Variants in VPS13B observed in about 807,000 individuals in gnomAD.
VPS13B encodes the protein vacuolar protein sorting 13 homolog B, also known as intermembrane lipid transfer protein VPS13B.
VPS13B carries 285 observed loss-of-function variants against 426.4 expected under a neutral mutation model. The ratio of observed to expected loss-of-function variants is 0.67; its 90% CI spans 0.61 to 0.74. The LOEUF (loss-of-function observed/expected upper bound fraction) is 0.74. Ranked by LOEUF, VPS13B falls within the 30% of genes least tolerant of loss-of-function variation. The pLI is 0.00. For synonymous variants in VPS13B, 1,676 were observed against 1,676.4 expected, an observed-to-expected ratio of 1.00 and a Z score of 0.01; for missense variants, 4,537 against 4,782.6, an observed-to-expected ratio of 0.95 and a Z score of 1.51.
chr8:99,170,475 G>C (rs1037842707), intron 16 of VPS13B, among the ~76,000 whole-genome samples: 56 of 150,634 alleles, frequency 3.7e-4, no homozygotes, highest in Middle Eastern at 3.4e-3. Context: ...TTCAAGAGTG[G>C]GTATAAAGAT....
At chr8:99,237,828 A>T (rs1372007903) in intron 17 of VPS13B, among the ~76,000 whole-genome samples, 2 of 151,982 alleles carry the variant, frequency 1.3e-5, no homozygotes, top group African/African-American at 4.8e-5. Flanking sequence ...TACAAAAAAA[A>T]GAAAGTGTTT....
rs142646194 is a variant in VPS13B at position 99,618,554 on chromosome 8, A to G, written c.5221-23257A>G. On this transcript the variant is annotated intron_variant, in intron 33 of 61. Coordinates refer to ENST00000357162, the MANE Select transcript of VPS13B (RefSeq NM_152564.5). ...TACAGCTTGAATAGAATTCATTACT[A>G]TATGATCTTTGATGGAAATGTTAGA... is the stretch of plus-strand genomic sequence containing the variant. 5.7e-4 allele frequency among the ~76,000 whole-genome samples: 87 copies of G among 152,336 alleles called. 3 individuals are homozygous for G. Among genetic ancestry groups the G allele is most frequent in the Admixed American group, 5.0e-3 (76 of 15,298 alleles).
intron 17 of VPS13B, among the ~76,000 whole-genome samples, 187 bp downstream of exon 17, chr8:99,193,244 G>A (rs558793553): frequency 2.0e-5 from 3 of 151,952 alleles, no homozygotes; most frequent in Admixed American, 1.3e-4. Flanking sequence ...TTATTTCCTC[G>A]TACCTATTTC....
intron 19 of VPS13B, among the ~76,000 whole-genome samples, chr8:99,349,887 T>G (rs910766088): frequency 1.3e-5 from 2 of 152,132 alleles, no homozygotes; most frequent in Non-Finnish European, 2.9e-5. Context: ...GTGGCAAAGA[T>G]ACAGTGGATG....
At chr8:99,716,776 C>T (rs1832941464) in intron 36 of VPS13B, among the ~76,000 whole-genome samples, 1 of 152,166 alleles carries the variant, frequency 6.6e-6, no homozygotes, top group Non-Finnish European at 1.5e-5. Context: ...GAGTAACATA[C>T]TGCACTCTGT....
intron 3 of VPS13B, among the ~76,000 whole-genome samples, chr8:99,092,689 A>T (rs1326720627): frequency 6.6e-6 from 1 of 152,074 alleles, no homozygotes; most frequent in African/African-American, 2.4e-5. Flanking sequence ...CATTGAAAGG[A>T]TTAATTTCTA....
intron 39 of VPS13B, among the ~76,000 whole-genome samples, chr8:99,733,514 G>A (rs2130423190): frequency 6.6e-6 from 1 of 152,216 alleles, no homozygotes; most frequent in East Asian, 1.9e-4. Flanking sequence ...CTAGCACATA[G>A]TGCTGAATAA....
intron 17 of VPS13B, among the ~76,000 whole-genome samples, chr8:99,227,424 A>G (rs1240731103): frequency 1.3e-5 from 2 of 152,168 alleles, no homozygotes; most frequent in East Asian, 1.9e-4. Flanking sequence ...TATTAATGCC[A>G]TAAGTGTAAA....
chr8:99,775,821 C>G (rs1208690325), intron 40 of VPS13B, among the ~76,000 whole-genome samples: 1 of 152,082 alleles, frequency 6.6e-6, no homozygotes, highest in Non-Finnish European at 1.5e-5. Flanking sequence ...TCACTTGAAC[C>G]TGGGAGGCAG....
At chr8:99,611,456 A>G (rs1827841571) in intron 33 of VPS13B, among the ~76,000 whole-genome samples, 2 of 152,098 alleles carry the variant, frequency 1.3e-5, no homozygotes, top group Non-Finnish European at 2.9e-5. Context: ...CTGCTTGCCA[A>G]GTACTACCTG....
intron 56 of VPS13B, among the ~76,000 whole-genome samples, chr8:99,856,578 C>A (rs1012945607): frequency 1.8e-4 from 28 of 152,232 alleles, no homozygotes; most frequent in Admixed American, 2.0e-4. Context: ...CAGTGGCTCA[C>A]GCCTGTAATC....
rs1422079821 is a variant in VPS13B at position 99,699,752 on chromosome 8, A to C, written c.6274A>C (p.Lys2092Gln). The C allele has an allele frequency of 1.9e-6, 3 of 1,613,980 alleles. No homozygotes were observed. Among genetic ancestry groups the C allele is most frequent in the Non-Finnish European group, 2.5e-6 (3 of 1,180,004 alleles). ...KPKIHGDGVQKISAQENMWRA... is the reference protein window; with the variant it reads ...KPKIHGDGVQQISAQENMWRA... ...CAAAATTCATGGTGATGGAGTGCAAAAGATTTCAGCTCAAGAAAACATGTG... is the reference window on the plus strand; with the variant it reads ...CAAAATTCATGGTGATGGAGTGCAACAGATTTCAGCTCAAGAAAACATGTG... Residue 2092 changes from lysine to glutamine, a missense_variant, in exon 36 of 62, where the codon AAG (lysine) becomes CAG (glutamine). By Grantham distance (53) the Lys-to-Gln change is moderately conservative. This residue lies in a region of VPS13B where 4,311 missense variants were observed against 4,474.3 expected (regional missense o/e 0.96). Coordinates refer to ENST00000357162, the MANE Select transcript of VPS13B (RefSeq NM_152564.5).
chr8:99,794,214 G>A (rs1283647363), intron 43 of VPS13B, among the ~76,000 whole-genome samples: 2 of 152,210 alleles, frequency 1.3e-5, no homozygotes, highest in African/African-American at 2.4e-5. Context: ...TTCGATGTAA[G>A]AGGCTGGAGC....
intron 19 of VPS13B, among the ~76,000 whole-genome samples, chr8:99,285,958 G>A (rs1819415684): frequency 6.6e-6 from 1 of 152,086 alleles, no homozygotes; most frequent in African/African-American, 2.4e-5. Flanking sequence ...GAGTTTAAGT[G>A]TTTTACTGAG....
At chr8:99,223,362 T>G (rs1399542896) in intron 17 of VPS13B, among the ~76,000 whole-genome samples, 1 of 152,134 alleles carries the variant, frequency 6.6e-6, no homozygotes, top group Non-Finnish European at 1.5e-5. Context: ...TAATAATTAT[T>G]GAGTGGTTAT....
At chr8:99,867,836 T>C (rs115873062) in intron 58 of VPS13B, among the ~76,000 whole-genome samples, 2,739 of 152,306 alleles carry the variant, frequency 0.018, 96 homozygotes, top group African/African-American at 0.063. Flanking sequence ...ATGACTGTTA[T>C]CATTATTATC....
chr8:99,205,577 A>T (rs887131844), intron 17 of VPS13B, among the ~76,000 whole-genome samples: 1 of 152,082 alleles, frequency 6.6e-6, no homozygotes, highest in Non-Finnish European at 1.5e-5. Flanking sequence ...AGCATTTTTC[A>T]TCTAGTGAGC....
chr8:99,550,013 T>C (rs1824195224), intron 30 of VPS13B, among the ~76,000 whole-genome samples: 1 of 152,112 alleles, frequency 6.6e-6, no homozygotes, highest in South Asian at 2.1e-4. Context: ...AAGTGTTGTA[T>C]AATTGCCTCT....
intron 33 of VPS13B, among the ~76,000 whole-genome samples, chr8:99,627,851 A>G (rs1828681336): frequency 6.6e-6 from 1 of 152,244 alleles, no homozygotes; most frequent in African/African-American, 2.4e-5. Flanking sequence ...ACACATATGC[A>G]TTATACAGTT....
Sources: allele counts gnomAD v4.1 joint callset (sites outside exome capture counted in the v4.1 genomes callset), GRCh38; gene constraint gnomAD v4.1.1; regional missense constraint gnomAD v4.1.1; transcripts MANE v1.5; gene names NCBI Gene and HGNC (gene_info 2026-07-23, HGNC 2026-07-21).